The following CNOT10 variants were observed in gnomAD, a reference collection of about 807,000 sequenced individuals.
The protein encoded by CNOT10 is CCR4-NOT transcription complex subunit 10, also known as CCR4-NOT transcription complex, subunit 10.
CNOT10 carries 30 observed loss-of-function variants against 94.6 expected under a neutral mutation model. That is an observed-to-expected ratio of 0.32 (90% CI 0.24 to 0.43). The LOEUF (loss-of-function observed/expected upper bound fraction) is 0.43. Among genes scored for constraint, CNOT10 ranks in the 20% least tolerant of loss-of-function variants. CNOT10 has a pLI of 1.00. For synonymous variants in CNOT10, 289 were observed against 301.6 expected, an observed-to-expected ratio of 0.96 and a Z score of 0.43; for missense variants, 759 against 877.2, an observed-to-expected ratio of 0.87 and a Z score of 1.70.
At chr3:32,696,838 G>C (rs964596434) in intron 1 of CNOT10, among the ~76,000 whole-genome samples, 1 of 152,084 alleles carries the variant, frequency 6.6e-6, no homozygotes, top group African/African-American at 2.4e-5. Context: ...TCAGCCTCCC[G>C]AAGTGCTGGG....
chr3:32,720,650 G>A (rs943953650), intron 8 of CNOT10, among the ~76,000 whole-genome samples: 4 of 151,746 alleles, frequency 2.6e-5, no homozygotes, highest in Non-Finnish European at 5.9e-5. Flanking sequence ...GCACCACCAT[G>A]CCTGGCTTAT....
At position 32,740,080 on chromosome 3, in the gene CNOT10, G is replaced by T. The variant is rs137885942; in HGVS notation, c.1595+2590G>T. Among the ~76,000 whole-genome samples, 634 of 152,288 alleles carry T rather than the reference G, an allele frequency of 4.2e-3. 4 individuals are homozygous for T. Among genetic ancestry groups the T allele is most frequent in the African/African-American group, 0.015 (610 of 41,562 alleles). ...CCATCAAACTCCAGCAAGGATGACA[G>T]ATCGAGGCTCTGTCTCTAAAAATAA... On this transcript the variant is annotated intron_variant, in intron 13 of 18. Transcript: ENST00000328834.
At chr3:32,754,489 A>AAAAATATATATATATATATATAT (rs77878221) in intron 13 of CNOT10, among the ~76,000 whole-genome samples, 1 of 70,216 alleles carries the variant, frequency 1.4e-5, no homozygotes, top group African/African-American at 7.7e-5. Context: ...AAAAAAAAAA[A>AAAAATATATATATATATATATAT]ATACATATAT....
chr3:32,720,301 C>G, intron 8 of CNOT10, 70 bp downstream of exon 8: 4 of 638,384 alleles, frequency 6.3e-6, no homozygotes, highest in Non-Finnish European at 8.5e-6. Context: ...TTGTCCACCT[C>G]CCAACACCCA....
rs1553637886 is a variant in CNOT10 at position 32,754,476 on chromosome 3, CAAAA to C, written c.1596-4971_1596-4968del. ...TGGGCGACAGAGCAAGACTCCGTCT[CAAAA>C]AAAAAAAAAATACATATATATATAT... On this transcript the variant is annotated intron_variant, in intron 13 of 18. Coordinates refer to ENST00000328834, the MANE Select transcript of CNOT10 (RefSeq NM_015442.3). Among the ~76,000 whole-genome samples, 176 of 36,268 alleles carry C rather than the reference CAAAA, an allele frequency of 4.9e-3. 7 individuals carry two copies. Among genetic ancestry groups the C allele is most frequent in the African/African-American group, 0.024 (173 of 7,114 alleles). 23.8% of individuals were successfully genotyped at this position (36,268 alleles called of 152,430 possible). A position where few individuals can be genotyped will look rare whatever the true frequency, so the allele number is the denominator to read the frequency against.
chr3:32,702,982 G>A (rs1411511542), intron 1 of CNOT10, among the ~76,000 whole-genome samples: 5 of 150,866 alleles, frequency 3.3e-5, no homozygotes, highest in South Asian at 2.1e-4. Context: ...CATTATCTTG[G>A]CTCACTGCAA....
At chr3:32,737,298 A>G (rs1699231551) in intron 12 of CNOT10, 112 bp from the exon 13 acceptor site, 2 of 663,926 alleles carry the variant, frequency 3.0e-6, no homozygotes, top group African/African-American at 3.7e-5. Context: ...CTGAGCGACG[A>G]GCAAAACTCT....
Position 32,725,472 on chromosome 3 carries a change from C to T in CNOT10, c.885C>T (p.Phe295=). 1 of 1,613,030 alleles carries T rather than the reference C, an allele frequency of 6.2e-7. No individual in the cohort carries two copies. The highest frequency in any genetic ancestry group is 8.5e-7 in the Non-Finnish European group (1 of 1,179,722). ...CAGGTGAATGCTTGAGATGCATGTT[C>T]TGGAATAACCTTGGTTGCATCCATT... is the stretch of plus-strand genomic sequence containing the variant. ...MKTGECLRCM[F]WNNLGCIHFA... is the part of the protein sequence containing the mutation. The change falls in exon 9 of 19, where the codon TTC becomes TTT. Residue 295 remains phenylalanine, a synonymous_variant. Transcript: ENST00000328834.
intron 1 of CNOT10, among the ~76,000 whole-genome samples, chr3:32,690,126 A>C (rs1696789060): frequency 6.6e-6 from 1 of 152,178 alleles, no homozygotes; most frequent in Non-Finnish European, 1.5e-5. Context: ...GTTTTCAATA[A>C]GGGCATGATG....
At chr3:32,721,060 CTTTT>C (rs377750318) in intron 8 of CNOT10, among the ~76,000 whole-genome samples, 2 of 97,692 alleles carry the variant, frequency 2.0e-5, no homozygotes, top group Non-Finnish European at 3.8e-5. Context: ...TCTTTCCTTT[CTTTT>C]TTTTTTTTTT....
chr3:32,708,671 T>C lies in CNOT10; in HGVS notation c.281T>C (p.Val94Ala). ...TAACCTCTGTTGATTGCTTTATAGG[T>C]CCACTCAGCTGTTGAAGAAATGGAT... ...RQTLNQLKNQ[V>A]HSAVEEMDGL... Residue 94 changes from valine to alanine, a missense_variant and splice_region_variant, in exon 4 of 19, where the codon GTC (valine) becomes GCC (alanine). Physicochemically the swap from Val to Ala is moderately conservative, Grantham distance 64 (BLOSUM62 0). Around this residue, in one of 3 missense-constraint regions of CNOT10, gnomAD observed 682 missense variants for 799.4 expected, o/e 0.85. Transcript: ENST00000328834. The C allele has an allele frequency of 6.2e-7, 1 of 1,609,512 alleles. No homozygotes were observed. Among genetic ancestry groups the C allele is most frequent in the African/African-American group, 1.3e-5 (1 of 74,802 alleles).
chr3:32,693,009 A>C (rs1446478965), intron 1 of CNOT10, among the ~76,000 whole-genome samples: 2 of 152,120 alleles, frequency 1.3e-5, no homozygotes, highest in Non-Finnish European at 1.5e-5. Flanking sequence ...ACAGCACCGC[A>C]CTCTAGCCTG....
At chr3:32,687,316 T>C (rs1291691925) in intron 1 of CNOT10, among the ~76,000 whole-genome samples, 1 of 151,992 alleles carries the variant, frequency 6.6e-6, no homozygotes, top group Non-Finnish European at 1.5e-5. Context: ...CCTAAGACAT[T>C]CATTGAATCC....
intron 1 of CNOT10, among the ~76,000 whole-genome samples, chr3:32,703,580 C>T (rs1697472261): frequency 6.6e-6 from 1 of 152,174 alleles, no homozygotes; most frequent in Non-Finnish European, 1.5e-5. Context: ...AAGATGGCTA[C>T]TGTGTGTCCA....
chr3:32,746,764 G>A (rs1343712676), intron 13 of CNOT10, among the ~76,000 whole-genome samples: 1 of 151,138 alleles, frequency 6.6e-6, no homozygotes, highest in Non-Finnish European at 1.5e-5. Flanking sequence ...GTGTACCCAG[G>A]AGGCGGAGCT....
intron 18 of CNOT10, among the ~76,000 whole-genome samples, chr3:32,772,568 A>G (rs1323987726): frequency 1.3e-5 from 2 of 152,020 alleles, no homozygotes; most frequent in African/African-American, 4.8e-5. Context: ...ACAGTAGCTC[A>G]TGCCCGTAAT....
intron 1 of CNOT10, among the ~76,000 whole-genome samples, chr3:32,692,004 A>C (rs1019868139): frequency 1.3e-5 from 2 of 151,390 alleles, no homozygotes; most frequent in Non-Finnish European, 2.9e-5. Context: ...GAGCCAAGAT[A>C]AACACCACTG....
intron 1 of CNOT10, chr3:32,687,731 G>T (rs922331668): frequency 6.6e-6 from 1 of 152,188 alleles, no homozygotes; most frequent in Admixed American, 6.6e-5. Flanking sequence ...GGGATTACAG[G>T]CGTGAGCCAC....
chr3:32,726,240 G>A (rs2125562230), intron 9 of CNOT10, among the ~76,000 whole-genome samples: 1 of 152,228 alleles, frequency 6.6e-6, no homozygotes, highest in Non-Finnish European at 1.5e-5. Flanking sequence ...CACTGTGCCC[G>A]GCTTGTTATA....
Sources: allele counts gnomAD v4.1 joint callset (sites outside exome capture counted in the v4.1 genomes callset), GRCh38; gene constraint gnomAD v4.1.1; regional missense constraint gnomAD v4.1.1; transcripts MANE v1.5; gene names NCBI Gene and HGNC (gene_info 2026-07-23, HGNC 2026-07-21).